DLGAP2: variants seen among roughly 807,000 people sequenced by gnomAD.
DLGAP2 encodes DLG associated protein 2.
Under a neutral mutation model 100.3 loss-of-function variants are expected in DLGAP2, and 26 were observed. The observed-to-expected ratio is 0.26, with a 90% confidence interval of 0.19 to 0.36. DLGAP2 has a LOEUF of 0.36. Ranked by LOEUF, DLGAP2 falls within the 10% of genes least tolerant of loss-of-function variation. DLGAP2 has a pLI of 1.00. For missense variants in DLGAP2, 1,858 were observed against 1,453.2 expected, an observed-to-expected ratio of 1.28 and a Z score of -4.53; for synonymous variants, 886 against 630.1, an observed-to-expected ratio of 1.41 and a Z score of -6.08.
chr8:1,510,274 T>G (rs1800113624), intron 4 of DLGAP2, among the ~76,000 whole-genome samples: 1 of 152,366 alleles, frequency 6.6e-6, no homozygotes, highest in Middle Eastern at 3.4e-3. Context: ...GAGGTCAGCC[T>G]GTGGCTGTGA....
At chr8:1,234,046 G>A (rs6997759) in intron 2 of DLGAP2, among the ~76,000 whole-genome samples, 148,403 of 152,264 alleles carry the variant, frequency 0.97, 72,366 homozygotes, top group African/African-American at 0.99. Flanking sequence ...GAAAGGCCCA[G>A]GTGAATACCT....
intron 3 of DLGAP2, among the ~76,000 whole-genome samples, chr8:1,429,205 T>C (rs142567888): frequency 7.9e-5 from 12 of 152,266 alleles, no homozygotes; most frequent in African/African-American, 2.6e-4. Flanking sequence ...TAGAGGTCAG[T>C]TGGCAGTTTC....
intron 2 of DLGAP2, among the ~76,000 whole-genome samples, chr8:1,082,427 C>T (rs935840717): frequency 3.3e-5 from 5 of 152,184 alleles, no homozygotes; most frequent in Admixed American, 6.5e-5. Context: ...GCAGCCAACA[C>T]GGGATACTAA....
intron 2 of DLGAP2, among the ~76,000 whole-genome samples, chr8:1,198,787 G>A (rs762875459): frequency 6.6e-6 from 1 of 152,202 alleles, no homozygotes; most frequent in African/African-American, 2.4e-5. Context: ...CCTTTCCCTC[G>A]GGAGTGAGCC....
At chr8:1,283,171 A>C (rs1034280989) in intron 3 of DLGAP2, among the ~76,000 whole-genome samples, 33 of 147,398 alleles carry the variant, frequency 2.2e-4, no homozygotes, top group African/African-American at 8.3e-4. Context: ...ACGTGGTGTG[A>C]CCTGAACCCA....
At chr8:1,431,544 C>CA (rs1797439346) in intron 3 of DLGAP2, among the ~76,000 whole-genome samples, 1 of 152,208 alleles carries the variant, frequency 6.6e-6, no homozygotes, top group Non-Finnish European at 1.5e-5. Flanking sequence ...TGGCGCTCAG[C>CA]AGCCGTTCAT....
intron 2 of DLGAP2, among the ~76,000 whole-genome samples, chr8:1,009,595 G>A (rs185579579): frequency 2.0e-5 from 3 of 152,334 alleles, no homozygotes; most frequent in African/African-American, 7.2e-5. Flanking sequence ...GATGGAGTCA[G>A]TGATTATGTC....
chr8:775,281 G>C (rs1365773483), intron 1 of DLGAP2, among the ~76,000 whole-genome samples: 3 of 152,108 alleles, frequency 2.0e-5, no homozygotes, highest in Admixed American at 6.5e-5. Flanking sequence ...GATATACAAT[G>C]ATGTCGTCTG....
At chr8:841,552 G>A (rs575641864) in intron 1 of DLGAP2, among the ~76,000 whole-genome samples, 2 of 152,278 alleles carry the variant, frequency 1.3e-5, no homozygotes, top group African/African-American at 4.8e-5. Flanking sequence ...CTAGACCCTT[G>A]TAAGGCAGAG....
intron 4 of DLGAP2, among the ~76,000 whole-genome samples, chr8:1,536,876 C>T (rs1801170284): frequency 6.6e-6 from 1 of 152,164 alleles, no homozygotes; most frequent in Non-Finnish European, 1.5e-5. Flanking sequence ...CAGGAGGCGA[C>T]ATGAGGGCAT....
At chr8:1,316,479 G>C (rs372674824) in intron 3 of DLGAP2, among the ~76,000 whole-genome samples, 140 of 101,946 alleles carry the variant, frequency 1.4e-3, no homozygotes, top group East Asian at 0.011. Context: ...AAAATAGAGC[G>C]TGTGCGAGTG....
chr8:1,295,903 T>G (rs1800161393), intron 3 of DLGAP2: 1 of 152,242 alleles, frequency 6.6e-6, no homozygotes, highest in Non-Finnish European at 1.5e-5. Flanking sequence ...CCTTAATTAA[T>G]GAAGCGTCAC....
At chr8:776,399 A>C (rs1026066503) in intron 1 of DLGAP2, among the ~76,000 whole-genome samples, 2 of 151,576 alleles carry the variant, frequency 1.3e-5, no homozygotes, top group African/African-American at 4.9e-5. Flanking sequence ...CTAGCTTTTG[A>C]ATGTGTTTGC....
chr8:771,804 G>A (rs550162354), intron 1 of DLGAP2, among the ~76,000 whole-genome samples: 84 of 152,330 alleles, frequency 5.5e-4, no homozygotes, highest in African/African-American at 1.9e-3. Context: ...AATTGAAGTG[G>A]CACATATAGA....
At chr8:1,138,340 T>C (rs1421512680) in intron 2 of DLGAP2, among the ~76,000 whole-genome samples, 1 of 152,238 alleles carries the variant, frequency 6.6e-6, no homozygotes, top group Non-Finnish European at 1.5e-5. Flanking sequence ...CACAGGGGGC[T>C]GGAAGCTCTG....
At chr8:1,045,073 G>C (rs561842116) in intron 2 of DLGAP2, among the ~76,000 whole-genome samples, 4 of 152,176 alleles carry the variant, frequency 2.6e-5, no homozygotes, top group Non-Finnish European at 4.4e-5. Context: ...TCTTCTTTCC[G>C]GAGACAGCTC....
intron 2 of DLGAP2, among the ~76,000 whole-genome samples, chr8:1,231,367 G>A (rs1798532279): frequency 6.6e-6 from 1 of 152,180 alleles, no homozygotes; most frequent in African/African-American, 2.4e-5. Flanking sequence ...AGAGAAAAGG[G>A]AATGCTTATA....
intron 3 of DLGAP2, among the ~76,000 whole-genome samples, chr8:1,432,738 G>C (rs933669894): frequency 6.6e-5 from 10 of 152,204 alleles, no homozygotes; most frequent in Admixed American, 6.5e-4. Flanking sequence ...AGGGCCTCTG[G>C]GGACCTCCAT....
chr8:1,195,793 G>A (rs904799586), intron 2 of DLGAP2, among the ~76,000 whole-genome samples: 2 of 152,278 alleles, frequency 1.3e-5, no homozygotes, highest in South Asian at 2.1e-4. Context: ...CGTGTGGCGC[G>A]TTCCCCGGAG....
Sources: allele counts gnomAD v4.1 joint callset (sites outside exome capture counted in the v4.1 genomes callset), GRCh38; gene constraint gnomAD v4.1.1; transcripts MANE v1.5; gene names NCBI Gene and HGNC (gene_info 2026-07-23, HGNC 2026-07-21).